The following PDE4D variants were observed in gnomAD, a reference collection of about 807,000 sequenced individuals.
PDE4D encodes the protein phosphodiesterase 4D.
PDE4D carries 24 observed loss-of-function variants against 87.4 expected under a neutral mutation model. The ratio of observed to expected loss-of-function variants is 0.27; its 90% confidence interval spans 0.20 to 0.39. The LOEUF (loss-of-function observed/expected upper bound fraction) is 0.39, where lower values mean the gene tolerates loss of function less well. Ranked by LOEUF, PDE4D falls within the 10% of genes least tolerant of loss-of-function variation. The pLI, the probability that PDE4D is intolerant of heterozygous loss-of-function variation, is 1.00. For missense variants in PDE4D, 714 were observed against 1,041.0 expected (o/e 0.69, Z 4.32); for synonymous variants, 384 against 383.2 (o/e 1.00, Z -0.02).
chr5:59,322,618 C>T (rs1318832439), intron 1 of PDE4D, among the ~76,000 whole-genome samples: 1 of 152,114 alleles, frequency 6.6e-6, no homozygotes. Context: ...GGCATTGCAG[C>T]ATATATTCAC....
chr5:59,750,098 T>C (rs1760208168), intron 1 of PDE4D, among the ~76,000 whole-genome samples: 1 of 151,600 alleles, frequency 6.6e-6, no homozygotes, highest in Middle Eastern at 3.2e-3. Flanking sequence ...TTTTTTTTTT[T>C]TTTTTTAACT....
intron 1 of PDE4D, among the ~76,000 whole-genome samples, chr5:59,634,087 T>C (rs1831940629): frequency 6.6e-6 from 1 of 152,014 alleles, no homozygotes; most frequent in African/African-American, 2.4e-5. Flanking sequence ...GTTGTAATCC[T>C]AGTCTCTGAT....
intron 2 of PDE4D, among the ~76,000 whole-genome samples, chr5:59,202,641 G>T (rs1254833081): frequency 6.6e-6 from 1 of 152,052 alleles, no homozygotes; most frequent in African/African-American, 2.4e-5. Context: ...CTGAATTAGG[G>T]GGTCTGGTCT....
intron 1 of PDE4D, among the ~76,000 whole-genome samples, chr5:60,340,606 TTAA>T (rs763277498): frequency 1.1e-4 from 4 of 37,224 alleles, no homozygotes; most frequent in African/African-American, 1.7e-4. Flanking sequence ...GTCACATCAT[TTAA>T]AAAAAAAAAA....
chr5:60,313,788 T>C (rs955929825), intron 1 of PDE4D, among the ~76,000 whole-genome samples: 2 of 152,190 alleles, frequency 1.3e-5, no homozygotes, highest in Admixed American at 1.3e-4. Flanking sequence ...TAGTTCAACA[T>C]ACACAAATCA....
chr5:60,450,755 G>T (rs181233192), intron 1 of PDE4D, among the ~76,000 whole-genome samples: 1 of 152,080 alleles, frequency 6.6e-6, no homozygotes, highest in African/African-American at 2.4e-5. Flanking sequence ...AAAGATAATT[G>T]GCCATATACA....
chr5:59,022,954 T>G (rs1755477956), intron 6 of PDE4D, among the ~76,000 whole-genome samples: 1 of 152,144 alleles, frequency 6.6e-6, no homozygotes, highest in African/African-American at 2.4e-5. Flanking sequence ...GGTGGGCAGA[T>G]TACGAGGTCA....
chr5:59,362,863 A>G (rs1035714040), intron 1 of PDE4D, among the ~76,000 whole-genome samples: 2 of 152,144 alleles, frequency 1.3e-5, no homozygotes, highest in African/African-American at 4.8e-5. Flanking sequence ...CCTAAATAAA[A>G]ATCTCATGTG....
At chr5:59,724,209 A>G (rs1756268532) in intron 1 of PDE4D, among the ~76,000 whole-genome samples, 1 of 152,124 alleles carries the variant, frequency 6.6e-6, no homozygotes, top group East Asian at 1.9e-4. Context: ...CTAGGTATGA[A>G]GGTTTCTACA....
intron 5 of PDE4D, among the ~76,000 whole-genome samples, chr5:59,150,538 G>A (rs1029172839): frequency 6.6e-5 from 10 of 152,122 alleles, no homozygotes; most frequent in African/African-American, 2.2e-4. Context: ...GAGTAAGAAT[G>A]GGGATAATGC....
At chr5:59,282,292 A>G (rs1157415394) in intron 1 of PDE4D, among the ~76,000 whole-genome samples, 2 of 152,162 alleles carry the variant, frequency 1.3e-5, no homozygotes, top group Non-Finnish European at 2.9e-5. Context: ...GAAAGACCAC[A>G]TTGCCAAATG....
rs1561692423 is a variant in PDE4D at position 59,200,676 on chromosome 5, CACGTATACATACATATGTGTATGTAT to C, written c.648-7166_648-7141del. Among the ~76,000 whole-genome samples the C allele has an allele frequency of 1.5e-3, 146 of 94,784 alleles. 11 individuals carry two copies. The highest frequency in any genetic ancestry group is 0.011 in the Middle Eastern group (2 of 176). 62.2% of individuals were successfully genotyped at this position (94,784 alleles called of 152,430 possible). A position where few individuals can be genotyped will look rare whatever the true frequency, so the allele number is the denominator to read the frequency against. On this transcript the variant is annotated intron_variant, in intron 2 of 14. Transcript: ENST00000340635. The stretch of plus-strand genomic sequence containing the variant: ...ACATACATATGTGTATGTATAGATA[CACGTATACATACATATGTGTATGTAT>C]AGATACACGTATACATACATATGTG...
At chr5:59,891,753 C>G (rs1345570161) in intron 1 of PDE4D, among the ~76,000 whole-genome samples, 2 of 150,972 alleles carry the variant, frequency 1.3e-5, no homozygotes, top group Admixed American at 1.3e-4. Flanking sequence ...GGCTGGATTC[C>G]CTTGTACATA....
intron 1 of PDE4D, among the ~76,000 whole-genome samples, chr5:59,535,027 T>C (rs892783357): frequency 2.0e-5 from 3 of 146,644 alleles, no homozygotes; most frequent in Non-Finnish European, 3.0e-5. Flanking sequence ...ATGCAAACTA[T>C]TGAGGACAAC....
At chr5:59,765,397 T>C (rs565291388) in intron 1 of PDE4D, among the ~76,000 whole-genome samples, 12 of 152,340 alleles carry the variant, frequency 7.9e-5, no homozygotes, top group African/African-American at 2.9e-4. Context: ...TTCTAAGAAT[T>C]CAACCATGGC....
Position 59,536,504 on chromosome 5 carries a change from C to CAAAAAAAAA in PDE4D, c.456-320545_456-320537dup, listed in dbSNP as rs10586960. Among the ~76,000 whole-genome samples, 16 of 56,374 alleles carry CAAAAAAAAA rather than the reference C, an allele frequency of 2.8e-4. 1 individual carries two copies. The highest frequency in any genetic ancestry group is 1.4e-3 in the African/African-American group (15 of 10,700). The allele number at this position is 56,374 out of a possible 152,430, so 37.0% of individuals were successfully genotyped here. A position where few individuals can be genotyped will look rare whatever the true frequency, so the allele number is the denominator to read the frequency against. On this transcript the variant is annotated intron_variant, in intron 1 of 14. Coordinates refer to ENST00000340635, the MANE Select transcript of PDE4D (RefSeq NM_001104631.2). ...TGGGCAACAGAGCAAGACTCAGCCT[C>CAAAAAAAAA]AAAAAAAAAAAAAAAAAAAAAAAAA... is the stretch of plus-strand genomic sequence containing the variant.
chr5:59,080,218 C>A (rs1378124582), intron 5 of PDE4D, among the ~76,000 whole-genome samples: 1 of 152,146 alleles, frequency 6.6e-6, no homozygotes, highest in Non-Finnish European at 1.5e-5. Context: ...CATAGTAAGA[C>A]AGTAGTTGCA....
intron 2 of PDE4D, among the ~76,000 whole-genome samples, chr5:60,025,287 C>T (rs1353713241): frequency 6.6e-6 from 1 of 152,138 alleles, no homozygotes; most frequent in African/African-American, 2.4e-5. Context: ...GTTAGACTCA[C>T]ATCTATGTTA....
At chr5:59,998,959 A>G (rs1044573941) in intron 2 of PDE4D, among the ~76,000 whole-genome samples, 2 of 152,184 alleles carry the variant, frequency 1.3e-5, no homozygotes, top group East Asian at 1.9e-4. Context: ...AAATACTGTA[A>G]AAGTATTCTG....
Sources: allele counts gnomAD v4.1 joint callset (sites outside exome capture counted in the v4.1 genomes callset), GRCh38; gene constraint gnomAD v4.1.1; transcripts MANE v1.5; gene names NCBI Gene and HGNC (gene_info 2026-07-23, HGNC 2026-07-21).